Variants in AGRN observed in about 807,000 individuals in gnomAD.
AGRN encodes the protein agrin proteoglycan.
A neutral mutation model predicts 211.0 loss-of-function variants in AGRN; 106 were observed. The ratio of observed to expected loss-of-function variants is 0.50; its 90% CI spans 0.43 to 0.59. AGRN has a LOEUF of 0.59. Among genes scored for constraint, AGRN ranks in the 20% least tolerant of loss-of-function variants. The pLI is 0.00. For synonymous variants in AGRN, 1,525 were observed against 1,332.5 expected, an observed-to-expected ratio of 1.14 and a Z score of -3.15; for missense variants, 3,040 against 2,982.6, an observed-to-expected ratio of 1.02 and a Z score of -0.45.
At chr1:1,042,243 T>C in intron 7 of AGRN, 81 bp downstream of exon 7, 3 of 1,458,252 alleles carry the variant, frequency 2.1e-6, no homozygotes, top group South Asian at 2.6e-5. Flanking sequence ...GCCATCTTCA[T>C]CCATCATGTT....
intron 2 of AGRN, chr1:1,034,016 G>A: frequency 1.6e-6 from 1 of 642,614 alleles, no homozygotes. Context: ...GCCCCGCGGG[G>A]ACGAGGGGAG....
intron 2 of AGRN, among the ~76,000 whole-genome samples, chr1:1,033,686 C>T (rs1241825262): frequency 1.5e-5 from 2 of 129,686 alleles, no homozygotes; most frequent in Non-Finnish European, 3.4e-5. Context: ...GCCTCAGCGC[C>T]CCCAGGCCCA....
chr1:1,043,786 G>A, intron 9 of AGRN, 37 bp from the exon 10 acceptor site: 2 of 1,607,184 alleles, frequency 1.2e-6, no homozygotes, highest in South Asian at 1.1e-5. Flanking sequence ...CCCTCAGCCT[G>A]GGCCTGCCGA....
In AGRN at chr1:1,051,510, G is replaced by A. The variant is rs375518121; in HGVS notation, c.5428G>A (p.Val1810Ile). 1.4e-5 allele frequency: 22 copies of A among 1,566,740 alleles called. No homozygotes were observed. The highest frequency in any genetic ancestry group is 1.6e-5 in the Non-Finnish European group (19 of 1,158,880). The change falls in exon 32 of 36, where the codon GTC becomes ATC. Residue 1810 changes from valine (V) to isoleucine (I), a missense_variant. Around this residue, in one of 3 missense-constraint regions of AGRN, gnomAD observed 1,537 missense variants for 1,505.0 expected, o/e 1.02. Transcript: ENST00000379370. ...GGAGCACGTGCTGCGGCAGGTGGAC[G>A]TCACGTCCTTTGCAGGTCACCCCTG... ...TPEHVLRQVD[V>I]TSFAGHPCTR...
At chr1:1,044,839 G>A (rs1645046033) in intron 12 of AGRN, among the ~76,000 whole-genome samples, 1 of 152,236 alleles carries the variant, frequency 6.6e-6, no homozygotes, top group African/African-American at 2.4e-5. Context: ...AGGAATGTGG[G>A]TGAGAACGCA....
chr1:1,047,153 A>C (rs1645122133), intron 19 of AGRN, 174 bp from the exon 20 acceptor site: 13 of 1,344,610 alleles, frequency 9.7e-6, no homozygotes, highest in East Asian at 2.5e-5. Context: ...TGCTCTGAGG[A>C]GTCCTCCTGG....
At chr1:1,049,206 A>C in intron 24 of AGRN, 30 bp from the exon 25 acceptor site, 1 of 1,526,336 alleles carries the variant, frequency 6.6e-7, no homozygotes, top group Non-Finnish European at 8.8e-7. Context: ...GGGCCGGGCG[A>C]TGGTCCTGAG....
intron 3 of AGRN, among the ~76,000 whole-genome samples, chr1:1,038,800 G>T (rs3121577): frequency 0.88 from 134,031 of 152,062 alleles, 59,611 homozygotes; most frequent in East Asian, 1. Context: ...ATTTGGACTG[G>T]GAGTCCCAGG....
chr1:1,034,041 G>A (rs1644739485), intron 2 of AGRN: 1 of 849,100 alleles, frequency 1.2e-6, no homozygotes, highest in African/African-American at 1.8e-5. Context: ...AGGGAGCCCG[G>A]GACCCGGCGC....
intron 2 of AGRN, among the ~76,000 whole-genome samples, chr1:1,033,864 C>T (rs1484265851): frequency 6.7e-6 from 1 of 149,120 alleles, no homozygotes; most frequent in Admixed American, 6.7e-5. Context: ...GCCCGGCGTT[C>T]CCTTTTGTGC....
At chr1:1,024,268 C>T (rs924630211) in intron 2 of AGRN, among the ~76,000 whole-genome samples, 2 of 152,056 alleles carry the variant, frequency 1.3e-5, no homozygotes, top group Non-Finnish European at 2.9e-5. Flanking sequence ...GCCAGTCTGG[C>T]TGGAGAAGGG....
intron 1 of AGRN, among the ~76,000 whole-genome samples, chr1:1,020,655 C>T (rs1644377030): frequency 6.6e-6 from 1 of 151,842 alleles, no homozygotes; most frequent in African/African-American, 2.4e-5. Context: ...CCCTCCCTAC[C>T]GGCCGAGAAG....
intron 3 of AGRN, among the ~76,000 whole-genome samples, chr1:1,037,641 C>T (rs1193202317): frequency 4.6e-5 from 7 of 152,316 alleles, no homozygotes; most frequent in African/African-American, 1.4e-4. Context: ...CTAAGACAGG[C>T]GTGGCAGGAC....
intron 2 of AGRN, among the ~76,000 whole-genome samples, chr1:1,033,307 C>T (rs1014365910): frequency 6.6e-6 from 1 of 152,006 alleles, no homozygotes; most frequent in African/African-American, 2.4e-5. Context: ...ACCTGGGGCC[C>T]TCCCCCACCT....
rs144164397 is a variant in AGRN, at chr1:1,043,424, C to T, written c.1570C>T (p.Arg524Trp). ...ELEATACTLG[R>W]EIQVARKGPC... ...GGAGGCCACGGCCTGTACCCTCGGG[C>T]GGGAGATCCAGGTGGCGCGCAAAGG... The change falls in exon 8 of 36, where the codon CGG (arginine) becomes TGG (tryptophan). Residue 524 changes from arginine (R) to tryptophan (W), a missense_variant. Physicochemically the swap from Arg to Trp is moderately radical, Grantham distance 101. Around this residue, in one of 3 missense-constraint regions of AGRN, gnomAD observed 1,498 missense variants for 1,457.8 expected, o/e 1.03. Transcript: ENST00000379370. 362 of 1,607,190 alleles carry T rather than the reference C, an allele frequency of 2.3e-4. No individual in the cohort carries two copies. The African/African-American group carries it at 3.7e-3, about 16-fold the overall frequency.
rs759676959 is a variant in AGRN, at chr1:1,041,586, C to T, written c.1061C>T (p.Ala354Val). 7.4e-6 allele frequency: 12 copies of T among 1,610,784 alleles called. No individual in the cohort carries two copies. Among genetic ancestry groups the T allele is most frequent in the East Asian group, 4.5e-5 (2 of 44,826 alleles). The change falls in exon 6 of 36, where the codon GCG becomes GTG. Residue 354 changes from alanine (A) to valine (V), a missense_variant. Ala to Val is a moderately conservative substitution (Grantham distance 64). Transcript: ENST00000379370. ...LRPESCPARQAPVCGDDGVTY... is the reference protein window; with the variant it reads ...LRPESCPARQVPVCGDDGVTY... Reference sequence around the variant, plus strand: ...CCCGAGAGCTGCCCTGCCCGGCAGGCGCCAGTGTGTGGGGACGACGGAGTC... The same window carrying T: ...CCCGAGAGCTGCCCTGCCCGGCAGGTGCCAGTGTGTGGGGACGACGGAGTC...
chr1:1,054,706 G>A, intron 35 of AGRN, 118 bp from the exon 36 acceptor site: 1 of 1,489,130 alleles, frequency 6.7e-7, no homozygotes, highest in Non-Finnish European at 9.1e-7. Context: ...AGTTCCCAGT[G>A]CTGTGGGGCC....
chr1:1,049,457 T>G lies in AGRN; in HGVS notation c.4514+6T>G. ...CCCGAGGACCAGGCTGCCGTGTGAG[T>G]CCCTTGGAGGGTGGTGTGGCCCCGA... On this transcript the variant is annotated splice_donor_region_variant and intron_variant, in intron 25 of 35. Coordinates refer to ENST00000379370, the MANE Select transcript of AGRN (RefSeq NM_198576.4). 5 of 1,599,930 alleles carry G rather than the reference T, an allele frequency of 3.1e-6. No individual in the cohort carries two copies. Among genetic ancestry groups the G allele is most frequent in the Non-Finnish European group, 4.2e-6 (5 of 1,179,560 alleles).
At chr1:1,047,739 T>C in intron 21 of AGRN, 37 bp from the exon 22 acceptor site, 1 of 1,611,782 alleles carries the variant, frequency 6.2e-7, no homozygotes, top group Non-Finnish European at 8.5e-7. Context: ...GGGGGATGCC[T>C]GGGGCTCTGC....
Sources: allele counts gnomAD v4.1 joint callset (sites outside exome capture counted in the v4.1 genomes callset), GRCh38; gene constraint gnomAD v4.1.1; regional missense constraint gnomAD v4.1.1; transcripts MANE v1.5; gene names NCBI Gene and HGNC (gene_info 2026-07-23, HGNC 2026-07-21).